The following ATP6V1B1 variants were observed in gnomAD, a reference collection of about 807,000 sequenced individuals.
ATP6V1B1 encodes the protein ATPase H+ transporting V1 subunit B1.
In ATP6V1B1, 41 loss-of-function variants were observed where a neutral mutation model predicts 62.1. The ratio of observed to expected loss-of-function variants is 0.66; its 90% CI spans 0.51 to 0.86. ATP6V1B1 has a LOEUF of 0.86. Ranked by LOEUF, ATP6V1B1 falls within the 40% of genes least tolerant of loss-of-function variation. The probability of loss-of-function intolerance (pLI) is 0.00; values close to 1 mark genes in which losing one functional copy is unlikely to be tolerated. For synonymous variants in ATP6V1B1, 253 were observed against 273.4 expected, an observed-to-expected ratio of 0.93 and a Z score of 0.74; for missense variants, 651 against 697.5, an observed-to-expected ratio of 0.93 and a Z score of 0.75.
Position 70,945,699 on chromosome 2 carries a change from G to GATATATATATATAT in ATP6V1B1, c.174+1987_174+1988insTATATATATATATA, listed in dbSNP as rs1450719874. Among the ~76,000 whole-genome samples the GATATATATATATAT allele has an allele frequency of 5.7e-4, 40 of 70,110 alleles. 7 individuals carry two copies. The highest frequency in any genetic ancestry group is 7.2e-4 in the Non-Finnish European group (26 of 36,090). 46.0% of individuals were successfully genotyped at this position (70,110 alleles called of 152,430 possible). A position where few individuals can be genotyped will look rare whatever the true frequency, so the allele number is the denominator to read the frequency against. On this transcript the variant is annotated intron_variant, in intron 2 of 13. Transcript: ENST00000234396. ...AGTATCCTCTTTCTGGCTATTTGAA[G>GATATATATATATAT]AGATATATATATATATATATATATA...
rs1333081051 is a variant in ATP6V1B1 at position 70,964,472 on chromosome 2, C to G, written c.1178C>G (p.Ser393Trp). Residue 393 changes from serine to tryptophan, a missense_variant, in exon 12 of 14, where the codon TCG (serine) becomes TGG (tryptophan). Physicochemically the swap from Ser to Trp is radical, Grantham distance 177 (BLOSUM62 -3). Transcript: ENST00000234396. The stretch of plus-strand genomic sequence containing the variant: ...CCCATCAACGTGCTCCCTTCCCTGT[C>G]GCGGCTGATGAAGTCAGCCATTGGG... The part of the protein sequence containing the change: ...YPPINVLPSL[S>W]RLMKSAIGEG... 6.2e-7 allele frequency: 1 copy of G among 1,614,090 alleles called. No individual in the cohort carries two copies. The highest frequency in any genetic ancestry group is 2.2e-5 in the East Asian group (1 of 44,860).
chr2:70,964,846 G>T lies in ATP6V1B1; in HGVS notation c.1359G>T (p.Glu453Asp). 8 of 1,614,066 alleles carry T rather than the reference G, an allele frequency of 5.0e-6. No homozygotes were observed. The highest frequency in any genetic ancestry group is 5.9e-6 in the Non-Finnish European group (7 of 1,180,030). Reference protein sequence around the residue: ...LLYLEFLQKFEKNFINQGPYE... With the variant: ...LLYLEFLQKFDKNFINQGPYE... The stretch of plus-strand genomic sequence containing the variant: ...ACCTGGAATTCCTGCAGAAGTTTGA[G>T]AAGAACTTCATCAATCAGGGTAAGG... Residue 453 changes from glutamate (E) to aspartate (D), a missense_variant, in exon 13 of 14, where the codon GAG (glutamate) becomes GAT (aspartate). Coordinates refer to ENST00000234396, the MANE Select transcript of ATP6V1B1 (RefSeq NM_001692.4).
intron 2 of ATP6V1B1, among the ~76,000 whole-genome samples, chr2:70,954,588 G>A (rs1553418728): frequency 6.6e-6 from 1 of 152,172 alleles, no homozygotes; most frequent in African/African-American, 2.4e-5. Flanking sequence ...AATTTGGGAG[G>A]AAAGTGTTGT....
intron 2 of ATP6V1B1, among the ~76,000 whole-genome samples, chr2:70,955,393 T>C (rs1445510037): frequency 6.6e-6 from 1 of 152,206 alleles, no homozygotes; most frequent in Non-Finnish European, 1.5e-5. Context: ...TTTTAGTATA[T>C]TCACAGTTAT....
intron 1 of ATP6V1B1, among the ~76,000 whole-genome samples, chr2:70,939,140 T>TCCA (rs1679925563): frequency 6.6e-6 from 1 of 152,242 alleles, no homozygotes; most frequent in East Asian, 1.9e-4. Context: ...CCCAGGACGC[T>TCCA]GCAGGTGTGG....
chr2:70,957,523 A>C (rs1553419257), intron 2 of ATP6V1B1, among the ~76,000 whole-genome samples: 1 of 152,130 alleles, frequency 6.6e-6, no homozygotes, highest in Non-Finnish European at 1.5e-5. Flanking sequence ...AGAGGGAAGC[A>C]CTTTGCGAGT....
In ATP6V1B1 at chr2:70,959,275, T is replaced by G. The variant is rs1680522180; in HGVS notation, c.445+180T>G. 6.6e-6 allele frequency among the ~76,000 whole-genome samples: 1 copy of G among 152,180 alleles called. No individual in the cohort carries two copies. The highest frequency in any genetic ancestry group is 2.1e-4 in the South Asian group (1 of 4,830). The stretch of plus-strand genomic sequence containing the variant: ...CCGTCAGCACTCCATGTCCATCCCC[T>G]GTAAAATGCCATCATCATTGGGCAG... On this transcript the variant is annotated intron_variant, in intron 5 of 13. Coordinates refer to ENST00000234396, the MANE Select transcript of ATP6V1B1 (RefSeq NM_001692.4). The surrounding 1 kb of genome is among the most constrained non-coding windows in gnomAD (Gnocchi z 4.2).
At chr2:70,952,899 C>T (rs1289431120) in intron 2 of ATP6V1B1, among the ~76,000 whole-genome samples, 1 of 152,154 alleles carries the variant, frequency 6.6e-6, no homozygotes, top group Non-Finnish European at 1.5e-5. Flanking sequence ...GGGATTCTTG[C>T]TTTGCTCCTA....
rs137935209 is a variant in ATP6V1B1 at position 70,961,396 on chromosome 2, C to T, written c.688-200C>T. Among the ~76,000 whole-genome samples the T allele has an allele frequency of 1.7e-3, 256 of 152,332 alleles. 1 individual carries two copies. Among genetic ancestry groups the T allele is most frequent in the African/African-American group, 5.9e-3 (246 of 41,578 alleles). On this transcript the variant is annotated intron_variant, in intron 7 of 13. Coordinates refer to ENST00000234396, the MANE Select transcript of ATP6V1B1 (RefSeq NM_001692.4). ...TCTCAGCCTCTCCAGGGGGATCTGA[C>T]AAGGCCCTATGAGGACTGGGGCAGC...
rs372223196 is a variant in ATP6V1B1 at position 70,964,819 on chromosome 2, C to T, written c.1332C>T (p.Leu444=). 2.0e-4 allele frequency: 330 copies of T among 1,613,954 alleles called. No homozygotes were observed. Among genetic ancestry groups the T allele is most frequent in the Non-Finnish European group, 2.7e-4 (316 of 1,180,046 alleles). Residue 444 remains leucine, a synonymous_variant, in exon 13 of 14, where the codon CTC becomes CTT. Transcript: ENST00000234396. ...GEEALTSEDL[L]YLEFLQKFEK... ...AGGCGCTCACCTCTGAGGACCTGCT[C>T]TACCTGGAATTCCTGCAGAAGTTTG...
chr2:70,942,218 G>A (rs1553416523), intron 1 of ATP6V1B1: 2 of 425,916 alleles, frequency 4.7e-6, no homozygotes, highest in African/African-American at 4.1e-5. Context: ...GAAGGAAGAA[G>A]AGGGTGGCTC....
intron 1 of ATP6V1B1, among the ~76,000 whole-genome samples, chr2:70,939,064 C>G (rs1220964796): frequency 2.0e-5 from 3 of 152,262 alleles, no homozygotes; most frequent in African/African-American, 7.2e-5. Context: ...GGAGGAGGTG[C>G]GGGACCTGCT....
intron 2 of ATP6V1B1, chr2:70,948,184 C>G (rs536139667): frequency 6.6e-6 from 1 of 152,442 alleles, no homozygotes; most frequent in East Asian, 1.9e-4. Flanking sequence ...CCTCTCCACT[C>G]TCCTCTCCTG....
rs1680630134 is a variant in ATP6V1B1 at position 70,963,120 on chromosome 2, C to T, written c.910-42C>T. The T allele has an allele frequency of 7.4e-6, 12 of 1,613,738 alleles. No homozygotes were observed. The highest frequency in any genetic ancestry group is 1.0e-5 in the Non-Finnish European group (12 of 1,179,988). On this transcript the variant is annotated intron_variant, in intron 9 of 13. Coordinates refer to ENST00000234396, the MANE Select transcript of ATP6V1B1 (RefSeq NM_001692.4). This position sits in a 1 kb window ranked among gnomAD's most constrained non-coding sequence, Gnocchi z 4.3. The stretch of plus-strand genomic sequence containing the variant: ...CCCACCCACCCTTCCTAGCTTCAGC[C>T]TCTCATCCCCTTTCTTACCCCAGTG...
rs574114525 is a variant in ATP6V1B1 at position 70,961,640 on chromosome 2, G to C, written c.732G>C (p.Gln244His). 8.7e-5 allele frequency: 141 copies of C among 1,614,124 alleles called. No homozygotes were observed. Among genetic ancestry groups the C allele is most frequent in the Non-Finnish European group, 1.1e-4 (131 of 1,180,048 alleles). Residue 244 changes from glutamine (Q) to histidine (H), a missense_variant, in exon 8 of 14, where the codon CAG becomes CAC. Coordinates refer to ENST00000234396, the MANE Select transcript of ATP6V1B1 (RefSeq NM_001692.4). ...TARFFKSDFE[Q>H]NGTMGNVCLF... ...GATTCTTCAAGTCTGACTTTGAGCA[G>C]AATGGAACCATGGGGAACGTCTGCC...
chr2:70,958,988 C>A, intron 4 of ATP6V1B1, 30 bp from the exon 5 acceptor site: 1 of 1,609,126 alleles, frequency 6.2e-7, no homozygotes, highest in Non-Finnish European at 8.5e-7. Flanking sequence ...CTAGCCTGAG[C>A]ACCCTGCAAC....
At chr2:70,960,777 C>T in intron 6 of ATP6V1B1, 144 bp from the exon 7 acceptor site, 1 of 328,828 alleles carries the variant, frequency 3.0e-6, no homozygotes, top group Non-Finnish European at 6.0e-6. Context: ...ACCCCCCACC[C>T]CAAGAAAGAC....
At chr2:70,946,014 C>A (rs1430418241) in intron 2 of ATP6V1B1, among the ~76,000 whole-genome samples, 2 of 151,960 alleles carry the variant, frequency 1.3e-5, no homozygotes, top group African/African-American at 4.8e-5. Flanking sequence ...CCCACACACA[C>A]CGTGCCCTGC....
intron 1 of ATP6V1B1, among the ~76,000 whole-genome samples, chr2:70,937,217 C>T (rs1252852224): frequency 2.0e-5 from 3 of 152,080 alleles, no homozygotes; most frequent in African/African-American, 7.2e-5. Flanking sequence ...GGGAAGTGAG[C>T]CTGATGCAGC....
Sources: allele counts gnomAD v4.1 joint callset (sites outside exome capture counted in the v4.1 genomes callset), GRCh38; gene constraint gnomAD v4.1.1; non-coding constraint Gnocchi (gnomAD v3.1); transcripts MANE v1.5; gene names NCBI Gene and HGNC (gene_info 2026-07-23, HGNC 2026-07-21).